Variants in SLC6A7 observed in about 807,000 individuals in gnomAD.
SLC6A7 encodes the protein solute carrier family 6 member 7.
SLC6A7 carries 58 observed loss-of-function variants against 73.1 expected under a neutral mutation model. The ratio of observed to expected loss-of-function variants is 0.79; its 90% confidence interval spans 0.64 to 0.99. The LOEUF is 0.99. Ranked by LOEUF, SLC6A7 falls within the 50% of genes least tolerant of loss-of-function variation. The pLI is 0.00. For missense variants in SLC6A7, 783 were observed against 831.4 expected (o/e 0.94, Z 0.72); for synonymous variants, 338 against 338.7 (o/e 1.00, Z 0.02).
intron 9 of SLC6A7, 41 bp from the exon 10 acceptor site, chr5:150,203,866 G>A: frequency 9.7e-7 from 1 of 1,035,532 alleles, no homozygotes; most frequent in South Asian, 1.4e-5. Context: ...TGTGTGTGTT[G>A]GGGATAGAAT....
At chr5:150,207,073 T>C (rs1220255288) in intron 13 of SLC6A7, among the ~76,000 whole-genome samples, 1 of 152,194 alleles carries the variant, frequency 6.6e-6, no homozygotes, top group Non-Finnish European at 1.5e-5. Flanking sequence ...GCCTCTGCCA[T>C]TTGCCAGCCT....
chr5:150,196,909 GC>G, intron 3 of SLC6A7, 62 bp downstream of exon 3: 2 of 1,571,798 alleles, frequency 1.3e-6, no homozygotes, highest in Non-Finnish European at 8.7e-7. Flanking sequence ...CAGGGAGGTT[GC>G]CCCCAGAACC....
intron 13 of SLC6A7, 35 bp downstream of exon 13, chr5:150,205,658 CTGACCTG>C: frequency 6.4e-7 from 1 of 1,573,036 alleles, no homozygotes; most frequent in Non-Finnish European, 8.6e-7. Context: ...CTCAGCCTTC[CTGACCTG>C]TGGCCTGACC....
intron 1 of SLC6A7, among the ~76,000 whole-genome samples, chr5:150,192,764 G>A (rs1752845273): frequency 6.6e-6 from 1 of 152,182 alleles, no homozygotes; most frequent in Non-Finnish European, 1.5e-5. Flanking sequence ...CATGAGCATG[G>A]AAAGGGCAGC....
In SLC6A7 at chr5:150,202,347, G is replaced by A; in HGVS notation, c.859G>A (p.Val287Met). ...TCCCTTTCCATCCTTCCCGGCACAG[G>A]TGTGGATTGAAGCTGCTCTTCAGAT... ...PQFHHLLSSK[V>M]WIEAALQIFY... is the part of the protein sequence containing the mutation. Residue 287 changes from valine to methionine, a missense_variant and splice_region_variant, in exon 7 of 14, where the codon GTG (valine) becomes ATG (methionine). Val to Met is a conservative substitution (Grantham distance 21, BLOSUM62 1). Transcript: ENST00000230671. 6.2e-7 allele frequency: 1 copy of A among 1,610,694 alleles called. No individual in the cohort carries two copies. Among genetic ancestry groups the A allele is most frequent in the Non-Finnish European group, 8.5e-7 (1 of 1,176,862 alleles).
chr5:150,193,922 G>A (rs1005846691), intron 1 of SLC6A7, among the ~76,000 whole-genome samples: 3 of 152,162 alleles, frequency 2.0e-5, no homozygotes, highest in East Asian at 1.9e-4. Flanking sequence ...TAGAAACCTC[G>A]GGTATGTCAT....
intron 13 of SLC6A7, 61 bp downstream of exon 13, chr5:150,205,684 C>A: frequency 7.0e-7 from 1 of 1,425,716 alleles, no homozygotes; most frequent in Non-Finnish European, 9.6e-7. Context: ...CCCTAGGTCC[C>A]CCTGCTAGAA....
chr5:150,190,833 T>C (rs924056691), intron 1 of SLC6A7, among the ~76,000 whole-genome samples: 17 of 152,148 alleles, frequency 1.1e-4, no homozygotes, highest in African/African-American at 3.6e-4. Context: ...CTCTCCTCTT[T>C]CCTGCCTGCT....
At position 150,203,717 on chromosome 5, in the gene SLC6A7, C is replaced by G. The variant is rs143696901; in HGVS notation, c.1138C>G (p.Leu380Val). Residue 380 changes from leucine (L) to valine (V), a missense_variant, in exon 9 of 14, where the codon CTG (leucine) becomes GTG (valine). By Grantham distance (32) the Leu-to-Val change is conservative (BLOSUM62 1). Coordinates refer to ENST00000230671, the MANE Select transcript of SLC6A7 (RefSeq NM_014228.5). ...VYPQAMTMLP[L>V]SPFWSFLFFF... The stretch of plus-strand genomic sequence containing the variant: ...CCCACAGGCCATGACCATGCTGCCT[C>G]TGTCACCCTTCTGGTCCTTTCTCTT... The G allele has an allele frequency of 4.3e-6, 7 of 1,613,212 alleles. No homozygotes were observed. The African/African-American group carries it at 9.3e-5, about 22-fold the overall frequency.
intron 12 of SLC6A7, among the ~76,000 whole-genome samples, chr5:150,205,171 G>A (rs1211792516): frequency 3.9e-5 from 6 of 152,230 alleles, no homozygotes; most frequent in Non-Finnish European, 7.4e-5. Context: ...CAGGATTGGA[G>A]CCTTTAGGCT....
In SLC6A7 at chr5:150,210,594, C is replaced by G. The variant is rs533618420; in HGVS notation, c.*979C>G. The G allele has an allele frequency of 4.2e-3, 644 of 152,396 alleles. 6 individuals carry two copies. Among genetic ancestry groups the G allele is most frequent in the African/African-American group, 0.015 (622 of 41,560 alleles). The allele number at this position is 152,396 out of a possible 1,614,324, so 9.4% of individuals were successfully genotyped here. On this transcript the variant is annotated 3_prime_UTR_variant, in exon 14 of 14. Coordinates refer to ENST00000230671, the MANE Select transcript of SLC6A7 (RefSeq NM_014228.5). ...GACCACCCCTTCACCCACTGGACCC[C>G]AAGCCGCAAAAGCTGGGGAGGTAGG...
rs1241338337 is a variant in SLC6A7, at chr5:150,203,901, C to T, written c.1201-6C>T. Reference sequence around the variant, plus strand: ...TTCTGACCCCCAGCCCCTCCTCTCTCCTCAGTTTGCTTTTCTGGAGACCAT... The same window carrying T: ...TTCTGACCCCCAGCCCCTCCTCTCTTCTCAGTTTGCTTTTCTGGAGACCAT... On this transcript the variant is annotated splice_polypyrimidine_tract_variant and splice_region_variant and intron_variant, in intron 9 of 13. Transcript: ENST00000230671. 1 of 1,613,178 alleles carries T rather than the reference C, an allele frequency of 6.2e-7. No homozygotes were observed. Among genetic ancestry groups the T allele is most frequent in the South Asian group, 1.1e-5 (1 of 91,020 alleles).
chr5:150,205,695 C>T, intron 13 of SLC6A7, 72 bp downstream of exon 13: 2 of 1,359,022 alleles, frequency 1.5e-6, no homozygotes, highest in Non-Finnish European at 1.0e-6. Context: ...CCTGCTAGAA[C>T]AGAAAACATA....
At chr5:150,194,368 G>GCACTCC in intron 1 of SLC6A7, among the ~76,000 whole-genome samples, 1 of 151,762 alleles carries the variant, frequency 6.6e-6, no homozygotes, top group Non-Finnish European at 1.5e-5. Context: ...GGTGGAGGTT[G>GCACTCC]CGGTGTGCTG....
At chr5:150,202,745 T>TA (rs1258275148) in intron 8 of SLC6A7, 42 bp downstream of exon 8, 1 of 1,604,556 alleles carries the variant, frequency 6.2e-7, no homozygotes, top group Non-Finnish European at 8.5e-7. Flanking sequence ...GCATGTGTGT[T>TA]GGGTAGAGAT....
chr5:150,208,831 TG>T lies in SLC6A7; in HGVS notation c.1702-571del, dbSNP rs1344037773. ...TCACCCCGACTCCGTCCATGGAAAC[TG>T]GGGCTCTACAAGGGAAAGGTCAGAG... On this transcript the variant is annotated intron_variant, in intron 13 of 13. Coordinates refer to ENST00000230671, the MANE Select transcript of SLC6A7 (RefSeq NM_014228.5). 2.0e-5 allele frequency among the ~76,000 whole-genome samples: 3 copies of T among 152,230 alleles called. No homozygotes were observed. In the East Asian group the frequency reaches 5.8e-4, roughly 29 times the overall value.
At chr5:150,199,157 C>T (rs17615170) in intron 4 of SLC6A7, 71 bp from the exon 5 acceptor site, 24,102 of 1,494,396 alleles carry the variant, frequency 0.016, 215 homozygotes, top group Non-Finnish European at 0.018. Flanking sequence ...GTGGGCTGGA[C>T]ATGGCTTGAC....
In SLC6A7 at chr5:150,209,763, C is replaced by G; in HGVS notation, c.*148C>G. On this transcript the variant is annotated 3_prime_UTR_variant, in exon 14 of 14. Coordinates refer to ENST00000230671, the MANE Select transcript of SLC6A7 (RefSeq NM_014228.5). Reference sequence around the variant, plus strand: ...GCCAGTCCCCCAGTGGGGGTCCCTTCTGCAGCCTCTGCCTCTCCTGAAACC... The same window carrying G: ...GCCAGTCCCCCAGTGGGGGTCCCTTGTGCAGCCTCTGCCTCTCCTGAAACC... 1 of 658,798 alleles carries G rather than the reference C, an allele frequency of 1.5e-6. No homozygotes were observed. The highest frequency in any genetic ancestry group is 2.7e-6 in the Non-Finnish European group (1 of 365,900). The allele number at this position is 658,798 out of a possible 1,614,324, so 40.8% of individuals were successfully genotyped here. A position where few individuals can be genotyped will look rare whatever the true frequency, so the allele number is the denominator to read the frequency against.
chr5:150,206,001 C>G (rs1268439896), intron 13 of SLC6A7, among the ~76,000 whole-genome samples: 1 of 152,158 alleles, frequency 6.6e-6, no homozygotes, highest in Non-Finnish European at 1.5e-5. Context: ...ACTCCCGTGC[C>G]CAGGAGTCCT....
Sources: gnomAD v4.1 joint callset for allele counts (sites outside exome capture counted in the v4.1 genomes callset) on GRCh38, gnomAD v4.1.1 for gene constraint, MANE v1.5 for transcripts, NCBI Gene and HGNC (gene_info 2026-07-23, HGNC 2026-07-21) for gene names.